BCR: variants seen among roughly 807,000 people sequenced by gnomAD.
BCR encodes the protein BCR activator of RhoGEF and GTPase.
In BCR, 58 loss-of-function variants were observed where a neutral mutation model predicts 138.6. The observed-to-expected ratio is 0.42, with a 90% CI of 0.34 to 0.52. The LOEUF is 0.52. BCR is among the 20% of genes least tolerant of loss of function. The pLI is 0.06. For synonymous variants in BCR, 786 were observed against 730.1 expected (o/e 1.08, Z -1.23); for missense variants, 1,599 against 1,727.2 (o/e 0.93, Z 1.32).
intron 1 of BCR, among the ~76,000 whole-genome samples, chr22:23,228,281 G>A (rs892019019): frequency 1.1e-4 from 16 of 152,196 alleles, no homozygotes; most frequent in Non-Finnish European, 2.1e-4. Context: ...TTTATATATT[G>A]CATTTTTATT....
At chr22:23,209,158 G>T (rs1205794814) in intron 1 of BCR, among the ~76,000 whole-genome samples, 1 of 152,022 alleles carries the variant, frequency 6.6e-6, no homozygotes, top group African/African-American at 2.4e-5. Flanking sequence ...AGGAGTTCAA[G>T]ACCACCCAGG....
rs565832470 is a variant in BCR at position 23,201,458 on chromosome 22, T to C, written c.1279+19219T>C. 6.6e-5 allele frequency among the ~76,000 whole-genome samples: 10 copies of C among 151,914 alleles called. No individual in the cohort carries two copies. The South Asian group carries it at 1.5e-3, about 22-fold the overall frequency. On this transcript the variant is annotated intron_variant, in intron 1 of 22. Coordinates refer to ENST00000305877, the MANE Select transcript of BCR (RefSeq NM_004327.4). ...TTTCTCTTCTCAGTGAATCTGGTTT[T>C]TTTGTTTTTTCGTTTTTGAGACGGA...
In BCR at chr22:23,312,882, T is replaced by C. The variant is rs762444294; in HGVS notation, c.3323-5T>C. On this transcript the variant is annotated splice_polypyrimidine_tract_variant and splice_region_variant and intron_variant, in intron 19 of 22. Transcript: ENST00000305877. The stretch of plus-strand genomic sequence containing the variant: ...GAGGCCGCTGCATTTCCGTGCTCTT[T>C]CCAGATAACAAGGACGTGTCGGTGA... The C allele has an allele frequency of 3.8e-6, 6 of 1,596,218 alleles. No homozygotes were observed. Among genetic ancestry groups the C allele is most frequent in the East Asian group, 2.2e-5 (1 of 44,834 alleles).
chr22:23,289,344 C>T (rs1193487147), intron 12 of BCR, among the ~76,000 whole-genome samples, 173 bp from the exon 13 acceptor site: 5 of 152,218 alleles, frequency 3.3e-5, no homozygotes, highest in Non-Finnish European at 7.3e-5. Context: ...CTCACTCTGC[C>T]GCCAGACCAG....
chr22:23,257,732 T>C (rs185919108), intron 2 of BCR, among the ~76,000 whole-genome samples: 3 of 152,294 alleles, frequency 2.0e-5, no homozygotes, highest in African/African-American at 7.2e-5. Context: ...ATGTGCACCA[T>C]GGGCAGCAGA....
At chr22:23,255,815 G>A (rs528043110) in intron 2 of BCR, among the ~76,000 whole-genome samples, 12 of 152,342 alleles carry the variant, frequency 7.9e-5, no homozygotes, top group African/African-American at 1.2e-4. Flanking sequence ...AGGAGCTGTA[G>A]ATGTTTCTCG....
intron 4 of BCR, chr22:23,264,657 C>A (rs1314307626): frequency 4.2e-6 from 1 of 238,478 alleles, no homozygotes; most frequent in Non-Finnish European, 8.2e-6. Context: ...CCTGGAGAGG[C>A]CCATCCTACA....
chr22:23,309,188 G>T (rs1475256047), intron 16 of BCR, among the ~76,000 whole-genome samples: 1 of 152,202 alleles, frequency 6.6e-6, no homozygotes, highest in Non-Finnish European at 1.5e-5. Flanking sequence ...GGCAGAGGGA[G>T]GAGGGGGTGG....
chr22:23,247,671 T>C (rs908187624), intron 1 of BCR, among the ~76,000 whole-genome samples: 1 of 152,126 alleles, frequency 6.6e-6, no homozygotes, highest in Non-Finnish European at 1.5e-5. Flanking sequence ...TGGGAGAGCC[T>C]CTCCTGCCTG....
At chr22:23,305,145 C>A (rs1238941861) in intron 16 of BCR, among the ~76,000 whole-genome samples, 1 of 150,342 alleles carries the variant, frequency 6.7e-6, no homozygotes, top group Non-Finnish European at 1.5e-5. Flanking sequence ...CAGGATGGAT[C>A]TCAGGAGAGC....
chr22:23,182,354 C>T, intron 1 of BCR, 115 bp downstream of exon 1: 1 of 1,241,016 alleles, frequency 8.1e-7, no homozygotes, highest in Non-Finnish European at 1.1e-6. Context: ...TTGAGTGTAT[C>T]AGGTGCACTT....
At chr22:23,262,890 GC>G in intron 4 of BCR, 1 of 1,073,036 alleles carries the variant, frequency 9.3e-7, no homozygotes. Context: ...CGGGCCGGGG[GC>G]TGAGGCGGGA....
In BCR at chr22:23,248,382, T is replaced by TA. The variant is rs202157024; in HGVS notation, c.1280-5415dup. Among the ~76,000 whole-genome samples the TA allele has an allele frequency of 3.6e-3, 543 of 151,736 alleles. 9 individuals carry two copies. In the East Asian group the frequency reaches 0.039, roughly 11 times the overall value. On this transcript the variant is annotated intron_variant, in intron 1 of 22. Transcript: ENST00000305877. Reference sequence around the variant, plus strand: ...AAAAAAATCAGTTATTTTGGGTACATAACTAGGAGTAGAATTGCTGGATCA... The same window carrying TA: ...AAAAAAATCAGTTATTTTGGGTACATAAACTAGGAGTAGAATTGCTGGATCA...
intron 4 of BCR, chr22:23,262,753 G>C: frequency 1.1e-6 from 1 of 919,058 alleles, no homozygotes; most frequent in Non-Finnish European, 1.3e-6. Flanking sequence ...AGAAGCTGCA[G>C]GAAGGGAGGG....
chr22:23,243,159 T>C (rs1043863070), intron 1 of BCR, among the ~76,000 whole-genome samples: 4 of 152,212 alleles, frequency 2.6e-5, no homozygotes, highest in African/African-American at 9.7e-5. Context: ...TCTTTTGTTA[T>C]TCATACAAGC....
At position 23,290,516 on chromosome 22, in the gene BCR, A is replaced by G; in HGVS notation, c.2782+103A>G. On this transcript the variant is annotated intron_variant, in intron 14 of 22. Coordinates refer to ENST00000305877, the MANE Select transcript of BCR (RefSeq NM_004327.4). ...GTGGGGAAACAGGGAGGTTGTTCAG[A>G]TGACCACGGGACACCTTTGACCCTG... 4 of 1,190,352 alleles carry G rather than the reference A, an allele frequency of 3.4e-6. No individual in the cohort carries two copies. The South Asian group carries it at 4.9e-5, about 15-fold the overall frequency. The allele number at this position is 1,190,352 out of a possible 1,614,324, so 73.7% of individuals were successfully genotyped here.
intron 16 of BCR, among the ~76,000 whole-genome samples, chr22:23,305,470 A>G (rs762110807): frequency 3.6e-4 from 55 of 152,180 alleles, no homozygotes; most frequent in African/African-American, 5.1e-4. Context: ...TGGTGACTCA[A>G]TCCAGCCACA....
rs1231392191 is a variant in BCR, at chr22:23,309,329, C to G, written c.3013-95C>G. The G allele has an allele frequency of 4.7e-5, 50 of 1,059,446 alleles. No individual in the cohort carries two copies. The Admixed American group carries it at 9.6e-4, about 20-fold the overall frequency. The allele number at this position is 1,059,446 out of a possible 1,614,324, so 65.6% of individuals were successfully genotyped here. A position where few individuals can be genotyped will look rare whatever the true frequency, so the allele number is the denominator to read the frequency against. On this transcript the variant is annotated intron_variant, in intron 16 of 22. Coordinates refer to ENST00000305877, the MANE Select transcript of BCR (RefSeq NM_004327.4). Reference sequence around the variant, plus strand: ...GGCCGCAGTCGGGCTCTGCCTCTGACTAAGGGTTGGGGAAGTGGCGGGTGT... The same window carrying G: ...GGCCGCAGTCGGGCTCTGCCTCTGAGTAAGGGTTGGGGAAGTGGCGGGTGT...
intron 16 of BCR, chr22:23,307,552 C>T (rs894283174): frequency 3.3e-5 from 5 of 151,220 alleles, no homozygotes; most frequent in African/African-American, 1.2e-4. Context: ...TCTGACTGAC[C>T]GCTCCCTGCT....
Sources: allele counts gnomAD v4.1 joint callset (sites outside exome capture counted in the v4.1 genomes callset), GRCh38; gene constraint gnomAD v4.1.1; transcripts MANE v1.5; gene names NCBI Gene and HGNC (gene_info 2026-07-23, HGNC 2026-07-21).